ZZZ3: variants seen among roughly 807,000 people sequenced by gnomAD.
ZZZ3 encodes zinc finger ZZ-type containing 3, also known as ZZ-type zinc finger-containing protein 3.
Under a neutral mutation model 95.2 loss-of-function variants are expected in ZZZ3, and 22 were observed. The observed-to-expected ratio is 0.23, with a 90% CI of 0.17 to 0.33. The LOEUF is 0.33. ZZZ3 is among the 10% of genes least tolerant of loss of function. The pLI is 1.00. For missense variants in ZZZ3, 885 were observed against 1,066.5 expected, an observed-to-expected ratio of 0.83 and a Z score of 2.37; for synonymous variants, 335 against 358.9, an observed-to-expected ratio of 0.93 and a Z score of 0.75.
intron 1 of ZZZ3, among the ~76,000 whole-genome samples, chr1:77,646,208 AGTTTTTT>A (rs1386600903): frequency 2.0e-5 from 3 of 151,720 alleles, no homozygotes; most frequent in Admixed American, 6.6e-5. Flanking sequence ...AATTAGTCTA[AGTTTTTT>A]GTTTTTTGTT....
intron 9 of ZZZ3, 171 bp downstream of exon 9, chr1:77,580,827 T>G: frequency 1.8e-6 from 1 of 558,336 alleles, no homozygotes; most frequent in East Asian, 3.0e-5. Flanking sequence ...GGTTTCACCA[T>G]GTTGGCCAGG....
chr1:77,620,481 G>C (rs946270395), intron 5 of ZZZ3, among the ~76,000 whole-genome samples: 2 of 129,516 alleles, frequency 1.5e-5, no homozygotes, highest in Admixed American at 8.6e-5. Flanking sequence ...AAGAACGAAA[G>C]AATGGAAGGA....
At chr1:77,582,236 G>C (rs1662598147) in intron 6 of ZZZ3, 110 bp from the exon 7 acceptor site, 1 of 873,888 alleles carries the variant, frequency 1.1e-6, no homozygotes, top group Non-Finnish European at 1.7e-6. Flanking sequence ...TAATCAATGG[G>C]GCATTTCTAT....
chr1:77,581,181 G>A, intron 8 of ZZZ3, 112 bp from the exon 9 acceptor site: 1 of 864,006 alleles, frequency 1.2e-6, no homozygotes, highest in Non-Finnish European at 1.9e-6. Flanking sequence ...AAATATTTGA[G>A]TAAATTTGTT....
At chr1:77,670,919 C>T (rs1156650405) in intron 1 of ZZZ3, among the ~76,000 whole-genome samples, 1 of 150,940 alleles carries the variant, frequency 6.6e-6, no homozygotes, top group Non-Finnish European at 1.5e-5. Flanking sequence ...ACATACACAC[C>T]TATAATCCCA....
At chr1:77,586,328 A>G (rs1448045979) in intron 5 of ZZZ3, among the ~76,000 whole-genome samples, 1 of 152,250 alleles carries the variant, frequency 6.6e-6, no homozygotes. Context: ...AGCAGGAGTT[A>G]CACACTTCGG....
chr1:77,588,308 TTAAG>T (rs550802396), intron 5 of ZZZ3, among the ~76,000 whole-genome samples: 20 of 152,140 alleles, frequency 1.3e-4, no homozygotes, highest in Non-Finnish European at 2.6e-4. Context: ...CAAGCACAGA[TTAAG>T]TAACTCCCCA....
chr1:77,585,596 G>A (rs557109694), intron 5 of ZZZ3, among the ~76,000 whole-genome samples: 4 of 152,138 alleles, frequency 2.6e-5, no homozygotes, highest in Non-Finnish European at 5.9e-5. Context: ...TTTTCTATAT[G>A]GCTTCAGATA....
At chr1:77,624,319 A>G (rs539189061) in intron 5 of ZZZ3, among the ~76,000 whole-genome samples, 7 of 152,274 alleles carry the variant, frequency 4.6e-5, no homozygotes, top group Admixed American at 4.6e-4. Context: ...TTGTTCTAAT[A>G]AAGTCACTCT....
At chr1:77,639,301 C>A (rs1668564163) in intron 4 of ZZZ3, 148 bp downstream of exon 4, 2 of 486,908 alleles carry the variant, frequency 4.1e-6, no homozygotes, top group African/African-American at 2.0e-5. Context: ...TTCCCTGCAG[C>A]TCCATACTCC....
chr1:77,594,432 G>A (rs1014286224), intron 5 of ZZZ3, among the ~76,000 whole-genome samples: 1 of 152,034 alleles, frequency 6.6e-6, no homozygotes, highest in African/African-American at 2.4e-5. Context: ...TAAGAGGAAA[G>A]CCATTTTTCT....
At chr1:77,678,085 T>C (rs1318650817) in intron 1 of ZZZ3, among the ~76,000 whole-genome samples, 1 of 152,168 alleles carries the variant, frequency 6.6e-6, no homozygotes, top group African/African-American at 2.4e-5. Context: ...CTTAGGACAC[T>C]TGGGCTAATA....
intron 12 of ZZZ3, among the ~76,000 whole-genome samples, chr1:77,569,947 T>C (rs888372619): frequency 6.6e-6 from 1 of 152,186 alleles, no homozygotes; most frequent in Non-Finnish European, 1.5e-5. Flanking sequence ...CTCTGATCCA[T>C]GCTCTGTAAA....
intron 5 of ZZZ3, among the ~76,000 whole-genome samples, chr1:77,598,230 A>G (rs1278341409): frequency 6.6e-6 from 1 of 152,170 alleles, no homozygotes; most frequent in Non-Finnish European, 1.5e-5. Context: ...AATACATACT[A>G]TATTCTTAAA....
At position 77,611,189 on chromosome 1, in the gene ZZZ3, C is replaced by CA. The variant is rs1211190959; in HGVS notation, c.1505+20660dup. On this transcript the variant is annotated intron_variant, in intron 5 of 14. Transcript: ENST00000370801. ...TTCTATACACTAACAATGAATTATC[C>CA]AAAAAAGAAACCAGGAAAACAATCC... 3.1e-4 allele frequency among the ~76,000 whole-genome samples: 18 copies of CA among 57,348 alleles called. No individual in the cohort carries two copies. In the South Asian group the frequency reaches 6.4e-3, roughly 21 times the overall value. The allele number at this position is 57,348 out of a possible 152,430, so 37.6% of individuals were successfully genotyped here.
chr1:77,599,655 C>T (rs910665278), intron 5 of ZZZ3, among the ~76,000 whole-genome samples: 3 of 151,828 alleles, frequency 2.0e-5, no homozygotes, highest in South Asian at 2.1e-4. Context: ...TACAGCAGAA[C>T]GAGTAAAAAA....
rs965864767 is a variant in ZZZ3 at position 77,564,407 on chromosome 1, G to A, written c.*1233C>T. 2 of 151,966 alleles carry A rather than the reference G, an allele frequency of 1.3e-5. No homozygotes were observed. Among genetic ancestry groups the A allele is most frequent in the African/African-American group, 4.8e-5 (2 of 41,322 alleles). The allele number at this position is 151,966 out of a possible 1,614,324, so 9.4% of individuals were successfully genotyped here. ...ACAGAAAGAAAACTCTTAAATATGT[G>A]AAGCAAACCATTTTAAAAAATACCA... On this transcript the variant is annotated 3_prime_UTR_variant, in exon 15 of 15. Coordinates refer to ENST00000370801, the MANE Select transcript of ZZZ3 (RefSeq NM_015534.6).
At chr1:77,598,626 C>T (rs1664440027) in intron 5 of ZZZ3, among the ~76,000 whole-genome samples, 1 of 152,074 alleles carries the variant, frequency 6.6e-6, no homozygotes, top group Non-Finnish European at 1.5e-5. Flanking sequence ...TTAAAATTTA[C>T]CTTTTTATGT....
intron 1 of ZZZ3, among the ~76,000 whole-genome samples, chr1:77,648,834 C>T (rs1669538202): frequency 6.6e-6 from 1 of 152,076 alleles, no homozygotes; most frequent in South Asian, 2.1e-4. Context: ...ATTCACAGAT[C>T]AAAGAAGCTC....
Sources: gnomAD v4.1 joint callset for allele counts (sites outside exome capture counted in the v4.1 genomes callset) on GRCh38, gnomAD v4.1.1 for gene constraint, MANE v1.5 for transcripts, NCBI Gene and HGNC (gene_info 2026-07-23, HGNC 2026-07-21) for gene names.